The following ZNF77 variants were observed in gnomAD, a reference collection of about 807,000 sequenced individuals.
ZNF77 encodes ZNFpT1.
A neutral mutation model predicts 13.5 loss-of-function variants in ZNF77; 15 were observed. The observed-to-expected ratio is 1.11, with a 90% CI of 0.74 to 1.71. The LOEUF (loss-of-function observed/expected upper bound fraction) is 1.71. Among genes scored for constraint, ZNF77 ranks in the 40% most tolerant of loss-of-function variants. The pLI is 0.00. For missense variants in ZNF77, 717 were observed against 676.4 expected (o/e 1.06, Z -0.67); for synonymous variants, 282 against 250.0 (o/e 1.13, Z -1.21).
At chr19:2,937,960 T>TACACA (rs2088412454) in intron 2 of ZNF77, among the ~76,000 whole-genome samples, 1 of 152,192 alleles carries the variant, frequency 6.6e-6, no homozygotes, top group Non-Finnish European at 1.5e-5. Flanking sequence ...TTTCACCACG[T>TACACA]TGGCCAGGCT....
At chr19:2,937,328 A>T (rs1568192970) in intron 2 of ZNF77, among the ~76,000 whole-genome samples, 1 of 152,134 alleles carries the variant, frequency 6.6e-6, no homozygotes, top group Non-Finnish European at 1.5e-5. Context: ...CACTAAAAAT[A>T]CAAAAAATCA....
At position 2,933,741 on chromosome 19, in the gene ZNF77, T is replaced by C; in HGVS notation, c.1386A>G (p.Lys462=). Residue 462 remains lysine (K), a synonymous_variant, in exon 4 of 4, where the codon AAA becomes AAG. Transcript: ENST00000314531. The part of the protein sequence containing the change: ...REHVRTHSGE[K]PYECNQCGKA... ...TCCCACATTGATTACATTCGTACGG[T>C]TTCTCTCCGCTGTGGGTTCGCACAT... is the stretch of plus-strand genomic sequence containing the variant. The C allele has an allele frequency of 6.2e-7, 1 of 1,612,710 alleles. No homozygotes were observed. The highest frequency in any genetic ancestry group is 8.5e-7 in the Non-Finnish European group (1 of 1,178,888).
At chr19:2,942,427 T>G (rs1256193691) in intron 1 of ZNF77, among the ~76,000 whole-genome samples, 1 of 130,622 alleles carries the variant, frequency 7.7e-6, no homozygotes, top group Admixed American at 9.2e-5. Context: ...CAGGCTGGAG[T>G]GGAGTGGTAC....
chr19:2,934,885 G>A, intron 3 of ZNF77, 70 bp from the exon 4 acceptor site: 1 of 1,509,318 alleles, frequency 6.6e-7, no homozygotes, highest in Non-Finnish European at 8.9e-7. Context: ...ATGGTTTTTA[G>A]TGATTATTTT....
chr19:2,942,629 C>T (rs989555041), intron 1 of ZNF77, among the ~76,000 whole-genome samples: 1 of 152,054 alleles, frequency 6.6e-6, no homozygotes, highest in African/African-American at 2.4e-5. Context: ...CAATGTTGAA[C>T]TGACTTCAGC....
At position 2,938,299 on chromosome 19, in the gene ZNF77, G is replaced by A. The variant is rs541926682; in HGVS notation, c.130+982C>T. Among the ~76,000 whole-genome samples, 4 of 152,288 alleles carry A rather than the reference G, an allele frequency of 2.6e-5. No homozygotes were observed. In the East Asian group the frequency reaches 7.7e-4, roughly 29 times the overall value. ...GACAGGCCAACACTTTGACTTCCCA[G>A]ACCACCGATGATGTCCGAGTGTGAG... On this transcript the variant is annotated intron_variant, in intron 2 of 3. Coordinates refer to ENST00000314531, the MANE Select transcript of ZNF77 (RefSeq NM_021217.3).
chr19:2,942,632 A>G (rs1417696369), intron 1 of ZNF77, among the ~76,000 whole-genome samples: 1 of 151,928 alleles, frequency 6.6e-6, no homozygotes, highest in Non-Finnish European at 1.5e-5. Flanking sequence ...TGTTGAACTG[A>G]CTTCAGCTCT....
At position 2,934,439 on chromosome 19, in the gene ZNF77, G is replaced by C; in HGVS notation, c.688C>G (p.His230Asp). 6.2e-7 allele frequency: 1 copy of C among 1,614,158 alleles called. No individual in the cohort carries two copies. The highest frequency in any genetic ancestry group is 8.5e-7 in the Non-Finnish European group (1 of 1,180,034). The change falls in exon 4 of 4, where the codon CAT (histidine) becomes GAT (aspartate). Residue 230 changes from histidine (H) to aspartate (D), a missense_variant. By Grantham distance (81) the His-to-Asp change is moderately conservative. Coordinates refer to ENST00000314531, the MANE Select transcript of ZNF77 (RefSeq NM_021217.3). ...AFICPSSFRG[H>D]VNSHHGQKTH... is the part of the protein sequence containing the mutation. The stretch of plus-strand genomic sequence containing the variant: ...TTCTGCCCATGATGACTATTCACAT[G>C]TCCCCTGAAAGATGAGGGACAAATG...
At position 2,933,526 on chromosome 19, in the gene ZNF77, G is replaced by C; in HGVS notation, c.1601C>G (p.Ser534Trp). 6.3e-7 allele frequency: 1 copy of C among 1,598,462 alleles called. No individual in the cohort carries two copies. Among genetic ancestry groups the C allele is most frequent in the Non-Finnish European group, 8.5e-7 (1 of 1,169,618 alleles). Reference sequence around the variant, plus strand: ...ATGTGTTCTCACATGTGCTTGAAGCGATGCGAGATACCTGAAGGTTTTCCC... The same window carrying C: ...ATGTGTTCTCACATGTGCTTGAAGCCATGCGAGATACCTGAAGGTTTTCCC... Reference protein sequence around the residue: ...QCGKTFRYLASLQAHVRTHAG... With the variant: ...QCGKTFRYLAWLQAHVRTHAG... Residue 534 changes from serine (S) to tryptophan (W), a missense_variant, in exon 4 of 4, where the codon TCG (serine) becomes TGG (tryptophan). Physicochemically the swap from Ser to Trp is radical, Grantham distance 177 (BLOSUM62 -3). Coordinates refer to ENST00000314531, the MANE Select transcript of ZNF77 (RefSeq NM_021217.3).
chr19:2,939,530 G>T, intron 1 of ZNF77, 123 bp from the exon 2 acceptor site: 1 of 1,426,482 alleles, frequency 7.0e-7, no homozygotes, highest in South Asian at 1.3e-5. Flanking sequence ...TGTGAGAGGT[G>T]ACCAACAGTA....
In ZNF77 at chr19:2,934,939, C is replaced by A. The variant is rs2088382816; in HGVS notation, c.312-124G>T. On this transcript the variant is annotated intron_variant, in intron 3 of 3. Transcript: ENST00000314531. Reference sequence around the variant, plus strand: ...TTTCACTGAATGGTTCTATTTTCAGCACTGTCTGCCTGGTTTCTATGGAGA... The same window carrying A: ...TTTCACTGAATGGTTCTATTTTCAGAACTGTCTGCCTGGTTTCTATGGAGA... 4.0e-6 allele frequency: 5 copies of A among 1,262,896 alleles called. No homozygotes were observed. In the South Asian group the frequency reaches 6.4e-5, roughly 16 times the overall value. 78.2% of individuals were successfully genotyped at this position (1,262,896 alleles called of 1,614,324 possible). A position where few individuals can be genotyped will look rare whatever the true frequency, so the allele number is the denominator to read the frequency against.
At position 2,933,320 on chromosome 19, in the gene ZNF77, C is replaced by T. The variant is rs111864403; in HGVS notation, c.*169G>A. The T allele has an allele frequency of 0.025, 17,437 of 692,732 alleles. 337 individuals are homozygous for T. The highest frequency in any genetic ancestry group is 0.099 in the Middle Eastern group (237 of 2,388). 42.9% of individuals were successfully genotyped at this position (692,732 alleles called of 1,614,324 possible). The stretch of plus-strand genomic sequence containing the variant: ...CTATTAAGGCTGAGGCATGTAAAGG[C>T]AATACCATATTAATCATAATTAAGA... On this transcript the variant is annotated 3_prime_UTR_variant, in exon 4 of 4. Transcript: ENST00000314531.
chr19:2,941,550 T>C (rs1449821960), intron 1 of ZNF77, among the ~76,000 whole-genome samples: 1 of 151,178 alleles, frequency 6.6e-6, no homozygotes, highest in Non-Finnish European at 1.5e-5. Flanking sequence ...AAGGGGTGAG[T>C]GGTGGATTCT....
rs753659816 is a variant in ZNF77, at chr19:2,933,598, T to G, written c.1529A>C (p.His510Pro). ...TCTCTCTCCAGTGTGCGTTCTCACG[T>G]GCACACGAAGGGACGAGGAACAACT... is the stretch of plus-strand genomic sequence containing the variant. ...AYSCSSSLRV[H>P]VRTHTGERPY... Residue 510 changes from histidine (H) to proline (P), a missense_variant, in exon 4 of 4, where the codon CAC becomes CCC. Transcript: ENST00000314531. 6.2e-7 allele frequency: 1 copy of G among 1,614,080 alleles called. No homozygotes were observed. Among genetic ancestry groups the G allele is most frequent in the South Asian group, 1.1e-5 (1 of 91,080 alleles).
chr19:2,938,772 C>G (rs141276373), intron 2 of ZNF77, among the ~76,000 whole-genome samples: 1 of 151,960 alleles, frequency 6.6e-6, no homozygotes, highest in Admixed American at 6.6e-5. Flanking sequence ...CTGGCTAACA[C>G]GGTGAAACCC....
intron 1 of ZNF77, among the ~76,000 whole-genome samples, chr19:2,941,292 A>G (rs1274130546): frequency 6.6e-6 from 1 of 152,044 alleles, no homozygotes; most frequent in African/African-American, 2.4e-5. Flanking sequence ...AGCCTGGCCA[A>G]CATGGTGAAA....
chr19:2,934,348 C>A lies in ZNF77; in HGVS notation c.779G>T (p.Arg260Ile). The A allele has an allele frequency of 6.2e-7, 1 of 1,614,216 alleles. No individual in the cohort carries two copies. The highest frequency in any genetic ancestry group is 2.2e-5 in the East Asian group (1 of 44,890). The change falls in exon 4 of 4, where the codon AGA (arginine) becomes ATA (isoleucine). Residue 260 changes from arginine to isoleucine, a missense_variant. Physicochemically the swap from Arg to Ile is moderately conservative, Grantham distance 97. Transcript: ENST00000314531. ...MYYSYLTRHV[R>I]THTGEKPYEC... The stretch of plus-strand genomic sequence containing the variant: ...ATAGGGTTTCTCTCCTGTGTGAGTT[C>A]TTACGTGCCGTGTAAGGTAGGAGTA...
At chr19:2,943,916 T>C (rs1201775769) in intron 1 of ZNF77, among the ~76,000 whole-genome samples, 7 of 151,630 alleles carry the variant, frequency 4.6e-5, no homozygotes, top group African/African-American at 1.7e-4. Flanking sequence ...CGCCATGTTG[T>C]CCAGGCTGGT....
rs759486653 is a variant in ZNF77 at position 2,939,313 on chromosome 19, A to T, written c.98T>A (p.Met33Lys). ...GGCAAGGTTCCTGCAGGTCTCCAGC[A>T]TCACATCTCTGTAGAGGCTCCTCTG... ...HAQRSLYRDV[M>K]LETCRNLASL... The change falls in exon 2 of 4, where the codon ATG becomes AAG. Residue 33 changes from methionine (M) to lysine (K), a missense_variant. Physicochemically the swap from Met to Lys is moderately conservative, Grantham distance 95. Transcript: ENST00000314531. 6.2e-7 allele frequency: 1 copy of T among 1,614,176 alleles called. No individual in the cohort carries two copies. The highest frequency in any genetic ancestry group is 8.5e-7 in the Non-Finnish European group (1 of 1,180,014).
Sources: gnomAD v4.1 joint callset for allele counts (sites outside exome capture counted in the v4.1 genomes callset) on GRCh38, gnomAD v4.1.1 for gene constraint, MANE v1.5 for transcripts, NCBI Gene and HGNC (gene_info 2026-07-23, HGNC 2026-07-21) for gene names.